The following TNRC6B variants were observed in gnomAD, a reference collection of about 807,000 sequenced individuals.
The protein encoded by TNRC6B is trinucleotide repeat-containing gene 6B protein.
TNRC6B carries 52 observed loss-of-function variants against 203.6 expected under a neutral mutation model. The observed-to-expected ratio is 0.26, with a 90% CI of 0.20 to 0.32. The LOEUF is 0.32. Among genes scored for constraint, TNRC6B ranks in the 10% least tolerant of loss-of-function variants. The pLI, the probability that TNRC6B is intolerant of heterozygous loss-of-function variation, is 1.00. For synonymous variants in TNRC6B, 838 were observed against 845.7 expected, an observed-to-expected ratio of 0.99 and a Z score of 0.16; for missense variants, 1,923 against 2,286.2, an observed-to-expected ratio of 0.84 and a Z score of 3.24.
Position 40,270,084 on chromosome 22 carries a change from T to C in TNRC6B, c.2807-38T>C, listed in dbSNP as rs762952643. The C allele has an allele frequency of 5.1e-6, 8 of 1,558,090 alleles. No homozygotes were observed. In the South Asian group the frequency reaches 9.5e-5, roughly 18 times the overall value. ...CCACTGGATATTATGGCATTTCATT[T>C]AACAAATGATTCTTAGAGACATTTC... On this transcript the variant is annotated intron_variant, in intron 5 of 22. Coordinates refer to ENST00000454349, the MANE Select transcript of TNRC6B (RefSeq NM_001162501.2).
At chr22:40,319,809 C>G (rs1013145955) in intron 21 of TNRC6B, among the ~76,000 whole-genome samples, 2 of 152,154 alleles carry the variant, frequency 1.3e-5, no homozygotes, top group African/African-American at 4.8e-5. Context: ...ACATAGTATA[C>G]TTAGAGTTCG....
At position 40,077,249 on chromosome 22, in the gene TNRC6B, A is replaced by G. The variant is rs539845736; in HGVS notation, c.-121+32251A>G. 1.2e-3 allele frequency among the ~76,000 whole-genome samples: 184 copies of G among 152,186 alleles called. 1 individual carries two copies. Among genetic ancestry groups the G allele is most frequent in the Non-Finnish European group, 5.7e-4 (39 of 68,010 alleles). On this transcript the variant is annotated intron_variant, in intron 1 of 23. Coordinates refer to the TNRC6B transcript ENST00000301923. ...GTAGTCTGCATAGGTTATCTCTCCC[A>G]TGCCATGGTCTGCAAAGTGCCCACG...
chr22:40,229,765 T>A (rs1278326243), intron 1 of TNRC6B, among the ~76,000 whole-genome samples: 1 of 152,222 alleles, frequency 6.6e-6, no homozygotes, highest in Non-Finnish European at 1.5e-5. Context: ...ATTTTTAGGT[T>A]CATCCATGTT....
chr22:40,303,944 T>C (rs987407612), intron 15 of TNRC6B, among the ~76,000 whole-genome samples: 1 of 152,232 alleles, frequency 6.6e-6, no homozygotes, highest in Admixed American at 6.5e-5. Context: ...AGCATTATTA[T>C]ATTTGTTTGA....
intron 4 of TNRC6B, among the ~76,000 whole-genome samples, chr22:40,163,918 C>T (rs1242931232): frequency 6.6e-6 from 1 of 151,954 alleles, no homozygotes; most frequent in African/African-American, 2.4e-5. Context: ...GCTAGATCTT[C>T]GGCTCTATGA....
At position 40,329,244 on chromosome 22, in the gene TNRC6B, A is replaced by G. The variant is rs1478664336; in HGVS notation, c.*6003A>G. 1 of 152,216 alleles carries G rather than the reference A, an allele frequency of 6.6e-6. No individual in the cohort carries two copies. The highest frequency in any genetic ancestry group is 1.9e-4 in the East Asian group (1 of 5,198). 9.4% of individuals were successfully genotyped at this position (152,216 alleles called of 1,614,324 possible). ...TACTTCTTTATCTGCAAGTACAGGG[A>G]GTCCATACAGTCAAGAAACACACAG... On this transcript the variant is annotated 3_prime_UTR_variant, in exon 23 of 23. Coordinates refer to ENST00000454349, the MANE Select transcript of TNRC6B (RefSeq NM_001162501.2).
In TNRC6B at chr22:40,219,299, A is replaced by G. The variant is rs546427491; in HGVS notation, c.6-26716A>G. Among the ~76,000 whole-genome samples, 115 of 152,308 alleles carry G rather than the reference A, an allele frequency of 7.6e-4. 5 individuals are homozygous for G. In the South Asian group the frequency reaches 0.022, roughly 29 times the overall value. ...AAGTGCTCCATGCTTTCAGGACTAC[A>G]CTGTGGAAAAGGAGAGCTTGGAGTA... On this transcript the variant is annotated intron_variant, in intron 1 of 22. Coordinates refer to ENST00000454349, the MANE Select transcript of TNRC6B (RefSeq NM_001162501.2).
intron 1 of TNRC6B, among the ~76,000 whole-genome samples, chr22:40,101,159 A>G (rs902539423): frequency 2.0e-5 from 3 of 151,902 alleles, no homozygotes; most frequent in African/African-American, 7.3e-5. Context: ...TGCCCAGCTA[A>G]TTTTTTGTAT....
In TNRC6B at chr22:40,266,858, A is replaced by G. The variant is rs1569045888; in HGVS notation, c.2628A>G (p.Glu876=). 1 of 1,614,034 alleles carries G rather than the reference A, an allele frequency of 6.2e-7. No individual in the cohort carries two copies. The highest frequency in any genetic ancestry group is 1.3e-5 in the African/African-American group (1 of 75,066). ...AGGATGAGGAACCCAGTGGTTGGGA[A>G]GAGCCATCCCCACAGTCAATTAGTC... is the stretch of plus-strand genomic sequence containing the variant. ...TPKDEEPSGW[E]EPSPQSISRK... Residue 876 remains glutamate (E), a synonymous_variant, in exon 5 of 23, where the codon GAA becomes GAG. Transcript: ENST00000454349.
At chr22:40,154,860 A>AAAAAAT (rs1555885936) in intron 3 of TNRC6B, among the ~76,000 whole-genome samples, 8 of 23,590 alleles carry the variant, frequency 3.4e-4, no homozygotes, top group Admixed American at 7.5e-4. Flanking sequence ...AAAAAAAAAA[A>AAAAAAT]ATATATATAT....
At chr22:40,207,385 C>T (rs2069493067) in intron 1 of TNRC6B, among the ~76,000 whole-genome samples, 1 of 131,508 alleles carries the variant, frequency 7.6e-6, no homozygotes, top group Admixed American at 9.7e-5. Context: ...CCAGCCTGGG[C>T]GATGGAGTGA....
At chr22:40,063,939 G>C (rs2067874854) in intron 1 of TNRC6B, among the ~76,000 whole-genome samples, 1 of 152,180 alleles carries the variant, frequency 6.6e-6, no homozygotes, top group Admixed American at 6.5e-5. Context: ...CTGGGCTCGA[G>C]TGATCCTCCC....
rs371044106 is a variant in TNRC6B, at chr22:40,061,126, A to G, written c.-121+16128A>G. On this transcript the variant is annotated intron_variant, in intron 1 of 23. Coordinates refer to the TNRC6B transcript ENST00000301923. ...TGTATAACTGAATCCTTTAAAATGTATTGAGATTTGTTTTATGGTACAGAA... is the reference window on the plus strand; with the variant it reads ...TGTATAACTGAATCCTTTAAAATGTGTTGAGATTTGTTTTATGGTACAGAA... 1.2e-4 allele frequency among the ~76,000 whole-genome samples: 19 copies of G among 152,310 alleles called. 2 individuals carry two copies. Among genetic ancestry groups the G allele is most frequent in the Admixed American group, 9.8e-4 (15 of 15,302 alleles).
intron 1 of TNRC6B, among the ~76,000 whole-genome samples, chr22:40,083,894 A>G (rs993721805): frequency 3.9e-5 from 6 of 152,064 alleles, no homozygotes; most frequent in South Asian, 2.1e-4. Context: ...AGGGTTGGGG[A>G]GGAGGGGAAA....
rs1226250883 is a variant in TNRC6B at position 40,329,424 on chromosome 22, G to A, written c.*6183G>A. 1 of 152,030 alleles carries A rather than the reference G, an allele frequency of 6.6e-6. No homozygotes were observed. The highest frequency in any genetic ancestry group is 1.5e-5 in the Non-Finnish European group (1 of 68,020). The allele number at this position is 152,030 out of a possible 1,614,324, so 9.4% of individuals were successfully genotyped here. ...TTTCAGAAATGGTCCCTATTTGTCA[G>A]TGATAGTGTTTTTTTTTTCTTAAGT... On this transcript the variant is annotated 3_prime_UTR_variant, in exon 23 of 23. Coordinates refer to ENST00000454349, the MANE Select transcript of TNRC6B (RefSeq NM_001162501.2).
intron 1 of TNRC6B, among the ~76,000 whole-genome samples, chr22:40,201,689 A>T (rs1352463074): frequency 6.6e-6 from 1 of 151,988 alleles, no homozygotes; most frequent in Non-Finnish European, 1.5e-5. Flanking sequence ...CCTCTTGAGT[A>T]GCTGGGATTA....
chr22:40,145,716 C>A (rs2068688559), intron 3 of TNRC6B, among the ~76,000 whole-genome samples: 1 of 152,072 alleles, frequency 6.6e-6, no homozygotes, highest in South Asian at 2.1e-4. Context: ...GTGGCGCCCT[C>A]CTGTAGTCCC....
chr22:40,308,522 T>C lies in TNRC6B; in HGVS notation c.4131T>C (p.Ser1377=), dbSNP rs1279481821. The C allele has an allele frequency of 4.3e-6, 7 of 1,613,884 alleles. No homozygotes were observed. The Admixed American group carries it at 8.3e-5, about 19-fold the overall frequency. Residue 1377 remains serine, a synonymous_variant, in exon 16 of 23, where the codon TCT becomes TCC. Coordinates refer to ENST00000454349, the MANE Select transcript of TNRC6B (RefSeq NM_001162501.2). ...TCTTCTCCTTTTTAGGCTTCAGCTC[T>C]GGCGGCATGGACTATGGCATGGTTG... ...PIPGYGSGFS[S]GGMDYGMVGG...
chr22:40,104,968 G>A (rs972364710), intron 1 of TNRC6B, among the ~76,000 whole-genome samples: 1 of 152,194 alleles, frequency 6.6e-6, no homozygotes, highest in Non-Finnish European at 1.5e-5. Context: ...CAGAGGAGAG[G>A]CACCCAAGCT....
Sources: gnomAD v4.1 joint callset for allele counts (sites outside exome capture counted in the v4.1 genomes callset) on GRCh38, gnomAD v4.1.1 for gene constraint, MANE v1.5 for transcripts, NCBI Gene and HGNC (gene_info 2026-07-23, HGNC 2026-07-21) for gene names.